The following ATP2B1 variants were observed in gnomAD, a reference collection of about 807,000 sequenced individuals.
The protein encoded by ATP2B1 is ATPase plasma membrane Ca2+ transporting 1.
ATP2B1 carries 14 observed loss-of-function variants against 124.2 expected under a neutral mutation model. That is an observed-to-expected ratio of 0.11 (90% CI 0.07 to 0.18). ATP2B1 has a LOEUF of 0.18. ATP2B1 is among the 10% of genes least tolerant of loss of function. The pLI is 1.00. For missense variants in ATP2B1, 763 were observed against 1,466.1 expected (o/e 0.52, Z 7.83); for synonymous variants, 449 against 492.4 (o/e 0.91, Z 1.17).
At chr12:89,592,673 G>A (rs1873810768) in intron 20 of ATP2B1, among the ~76,000 whole-genome samples, 1 of 152,032 alleles carries the variant, frequency 6.6e-6, no homozygotes, top group Non-Finnish European at 1.5e-5. Context: ...AGGAACCTCG[G>A]TCAAACAGGT....
intron 1 of ATP2B1, among the ~76,000 whole-genome samples, chr12:89,703,628 A>G (rs1427640394): frequency 6.6e-6 from 1 of 152,188 alleles, no homozygotes; most frequent in East Asian, 1.9e-4. Flanking sequence ...TGAAAATGGC[A>G]GACATTAAGA....
intron 11 of ATP2B1, among the ~76,000 whole-genome samples, chr12:89,619,753 AT>A (rs1879661953): frequency 6.6e-6 from 1 of 152,208 alleles, no homozygotes; most frequent in Non-Finnish European, 1.5e-5. Context: ...TTCATTAAAC[AT>A]ACCAGATTGA....
chr12:89,605,505 A>T (rs1005195860), intron 15 of ATP2B1, among the ~76,000 whole-genome samples: 23 of 152,262 alleles, frequency 1.5e-4, no homozygotes, highest in African/African-American at 5.5e-4. Flanking sequence ...ATGACACAGC[A>T]TGAAGGTCCT....
chr12:89,615,298 T>A (rs1410120241), intron 12 of ATP2B1, among the ~76,000 whole-genome samples: 1 of 152,204 alleles, frequency 6.6e-6, no homozygotes, highest in Non-Finnish European at 1.5e-5. Flanking sequence ...GCATATCTTA[T>A]ATAGCCCTTC....
rs1019117041 is a variant in ATP2B1, at chr12:89,589,172, T to A, written c.*1812A>T. 6.6e-6 allele frequency: 1 copy of A among 152,574 alleles called. No homozygotes were observed. 9.5% of individuals were successfully genotyped at this position (152,574 alleles called of 1,614,324 possible). On this transcript the variant is annotated 3_prime_UTR_variant, in exon 21 of 21. Coordinates refer to ENST00000428670, the MANE Select transcript of ATP2B1 (RefSeq NM_001366521.1). ...CAAAGATTTGATGGTGAGAAAAAGA[T>A]TTCCCCCACCCACCAAAAATATCAA...
Position 89,655,766 on chromosome 12 carries a change from T to C in ATP2B1, c.121A>G (p.Arg41Gly). The C allele has an allele frequency of 6.2e-7, 1 of 1,614,220 alleles. No individual in the cohort carries two copies. Among genetic ancestry groups the C allele is most frequent in the Non-Finnish European group, 8.5e-7 (1 of 1,180,020 alleles). Reference sequence around the variant, plus strand: ...ATTTTTCGTAATGCATCTGTGGACCTGAGCTCCATGAGAGCCCGCAGCTCT... The same window carrying C: ...ATTTTTCGTAATGCATCTGTGGACCCGAGCTCCATGAGAGCCCGCAGCTCT... Reference protein sequence around the residue: ...LAELRALMELRSTDALRKIQE... With the variant: ...LAELRALMELGSTDALRKIQE... Residue 41 changes from arginine to glycine, a missense_variant, in exon 2 of 21, where the codon AGG (arginine) becomes GGG (glycine). Around this residue, in one of 7 missense-constraint regions of ATP2B1, gnomAD observed 93 missense variants for 112.7 expected, o/e 0.83. Transcript: ENST00000428670.
At position 89,590,196 on chromosome 12, in the gene ATP2B1, C is replaced by A. The variant is rs1873302381; in HGVS notation, c.*788G>T. 1 of 152,386 alleles carries A rather than the reference C, an allele frequency of 6.6e-6. No individual in the cohort carries two copies. The highest frequency in any genetic ancestry group is 1.5e-5 in the Non-Finnish European group (1 of 67,966). 9.4% of individuals were successfully genotyped at this position (152,386 alleles called of 1,614,324 possible). A position where few individuals can be genotyped will look rare whatever the true frequency, so the allele number is the denominator to read the frequency against. On this transcript the variant is annotated 3_prime_UTR_variant, in exon 21 of 21. Transcript: ENST00000428670. Reference sequence around the variant, plus strand: ...TAAAAATTAAACAGTTGCTTCAAAACCATTAAGTAGTAAATGTATTTAAGA... The same window carrying A: ...TAAAAATTAAACAGTTGCTTCAAAAACATTAAGTAGTAAATGTATTTAAGA...
intron 1 of ATP2B1, 132 bp downstream of exon 1, chr12:89,708,464 G>C (rs968038826): frequency 6.6e-6 from 1 of 152,218 alleles, no homozygotes; most frequent in African/African-American, 2.4e-5. Context: ...TCCCGAATCC[G>C]GCGCAACCCG....
Position 89,648,062 on chromosome 12 carries a change from C to A in ATP2B1, c.209-5707G>T, listed in dbSNP as rs931606529. 2.0e-5 allele frequency among the ~76,000 whole-genome samples: 3 copies of A among 152,148 alleles called. No individual in the cohort carries two copies. In the East Asian group the frequency reaches 5.8e-4, roughly 29 times the overall value. ...CTCTTTTCTTTATAAATTACCCAGT[C>A]TCAAGTATTTCTTTATAACAACACA... is the stretch of plus-strand genomic sequence containing the variant. On this transcript the variant is annotated intron_variant, in intron 2 of 20. Transcript: ENST00000428670.
At chr12:89,602,284 T>A (rs182713050) in intron 18 of ATP2B1, among the ~76,000 whole-genome samples, 1 of 152,192 alleles carries the variant, frequency 6.6e-6, no homozygotes, top group Non-Finnish European at 1.5e-5. Context: ...AATAAATAAT[T>A]TTTTAAAAAA....
At chr12:89,687,475 A>T (rs1440002714) in intron 1 of ATP2B1, among the ~76,000 whole-genome samples, 1 of 151,982 alleles carries the variant, frequency 6.6e-6, no homozygotes, top group African/African-American at 2.4e-5. Flanking sequence ...TTACATGCAA[A>T]CATATTTTAC....
rs955526379 is a variant in ATP2B1, at chr12:89,591,445, A to T, written c.3352-150T>A. The stretch of plus-strand genomic sequence containing the variant: ...GGAACTTGCAATACACTGTAAAAAA[A>T]TGAATATTTTAGTAAGACACTACAG... On this transcript the variant is annotated intron_variant, in intron 20 of 20. Transcript: ENST00000428670. 25 of 657,286 alleles carry T rather than the reference A, an allele frequency of 3.8e-5. No homozygotes were observed. In the African/African-American group the frequency reaches 4.2e-4, roughly 11 times the overall value. 40.7% of individuals were successfully genotyped at this position (657,286 alleles called of 1,614,324 possible).
intron 1 of ATP2B1, among the ~76,000 whole-genome samples, chr12:89,707,594 A>T (rs1892628289): frequency 6.6e-6 from 1 of 152,162 alleles, no homozygotes; most frequent in African/African-American, 2.4e-5. Context: ...CCCAAAGAAA[A>T]GGTAAATATC....
intron 11 of ATP2B1, 36 bp from the exon 12 acceptor site, chr12:89,617,075 T>TA (rs754371616): frequency 1.3e-6 from 2 of 1,525,426 alleles, no homozygotes; most frequent in Non-Finnish European, 1.8e-6. Flanking sequence ...ATCAATAATT[T>TA]AAAAAAATAA....
intron 11 of ATP2B1, among the ~76,000 whole-genome samples, chr12:89,618,714 G>A (rs530636965): frequency 1.3e-3 from 192 of 152,196 alleles, no homozygotes; most frequent in Admixed American, 2.9e-3. Context: ...CCACCTCGAA[G>A]TTCTCATTTC....
intron 8 of ATP2B1, among the ~76,000 whole-genome samples, chr12:89,625,074 ACCAGCCAAACATGGTGAAACC>A (rs1457923254): frequency 6.6e-6 from 1 of 151,104 alleles, no homozygotes; most frequent in Non-Finnish European, 1.5e-5. Flanking sequence ...GGAATTCGAG[ACCAGCCAAACATGGTGAAACC>A]CCATCTCTAC....
At chr12:89,679,196 C>T (rs1162798707) in intron 1 of ATP2B1, among the ~76,000 whole-genome samples, 4 of 152,112 alleles carry the variant, frequency 2.6e-5, no homozygotes, top group African/African-American at 9.7e-5. Flanking sequence ...CCTGAGTTTG[C>T]ACAGCCAAAG....
At position 89,660,045 on chromosome 12, in the gene ATP2B1, T is replaced by C. The variant is rs568141876; in HGVS notation, c.-221-3938A>G. 3.3e-5 allele frequency among the ~76,000 whole-genome samples: 5 copies of C among 151,914 alleles called. No individual in the cohort carries two copies. In the South Asian group the frequency reaches 8.3e-4, roughly 25 times the overall value. Reference sequence around the variant, plus strand: ...GCAAAGTAAATTAACAGGTAAGACATGGAGTGCTAAAAATGATTATTAATA... The same window carrying C: ...GCAAAGTAAATTAACAGGTAAGACACGGAGTGCTAAAAATGATTATTAATA... On this transcript the variant is annotated intron_variant, in intron 1 of 20. Coordinates refer to ENST00000428670, the MANE Select transcript of ATP2B1 (RefSeq NM_001366521.1).
chr12:89,666,179 T>G (rs1225319314), intron 1 of ATP2B1, among the ~76,000 whole-genome samples: 1 of 152,164 alleles, frequency 6.6e-6, no homozygotes, highest in Non-Finnish European at 1.5e-5. Flanking sequence ...TAAATTCTAT[T>G]TTAAGAGGAT....
Sources: allele counts gnomAD v4.1 joint callset (sites outside exome capture counted in the v4.1 genomes callset), GRCh38; gene constraint gnomAD v4.1.1; regional missense constraint gnomAD v4.1.1; transcripts MANE v1.5; gene names NCBI Gene and HGNC (gene_info 2026-07-23, HGNC 2026-07-21).